MGLL: variants seen among roughly 807,000 people sequenced by gnomAD.
MGLL encodes the protein lysophospholipase homolog.
A neutral mutation model predicts 29.1 loss-of-function variants in MGLL; 7 were observed. That is an observed-to-expected ratio of 0.24 (90% CI 0.14 to 0.45). The LOEUF (loss-of-function observed/expected upper bound fraction) is 0.45, where lower values mean the gene tolerates loss of function less well. Ranked by LOEUF, MGLL falls within the 20% of genes least tolerant of loss-of-function variation. MGLL has a pLI of 0.99. For missense variants in MGLL, 356 were observed against 413.6 expected, an observed-to-expected ratio of 0.86 and a Z score of 1.21; for synonymous variants, 148 against 168.3, an observed-to-expected ratio of 0.88 and a Z score of 0.93.
chr3:127,822,382 G>A lies in MGLL; in HGVS notation c.-64C>T, dbSNP rs141374280. 1,305 of 1,588,176 alleles carry A rather than the reference G, an allele frequency of 8.2e-4. 5 individuals are homozygous for A. The highest frequency in any genetic ancestry group is 5.0e-3 in the Middle Eastern group (30 of 6,016). On this transcript the variant is annotated 5_prime_UTR_variant, in exon 1 of 8. Coordinates refer to ENST00000265052, the MANE Select transcript of MGLL (RefSeq NM_007283.7). ...GGAGAATCAGAACCAGGCAAATCGGGCTGTTCCCTCATCTGGGCGGCCCCA... is the reference window on the plus strand; with the variant it reads ...GGAGAATCAGAACCAGGCAAATCGGACTGTTCCCTCATCTGGGCGGCCCCA...
intron 6 of MGLL, among the ~76,000 whole-genome samples, chr3:127,708,976 A>G (rs2075657562): frequency 6.6e-6 from 1 of 152,248 alleles, no homozygotes; most frequent in South Asian, 2.1e-4. Context: ...CTAAAATCCC[A>G]TCTCTGCCCC....
intron 3 of MGLL, among the ~76,000 whole-genome samples, chr3:127,759,920 G>A (rs977226681): frequency 6.6e-6 from 1 of 152,222 alleles, no homozygotes; most frequent in Non-Finnish European, 1.5e-5. Context: ...ATGATTATGG[G>A]GTCTGAATGA....
At chr3:127,781,688 TAGA>T in intron 3 of MGLL, 98 bp downstream of exon 3, 1 of 1,074,766 alleles carries the variant, frequency 9.3e-7, no homozygotes, top group East Asian at 2.4e-5. Context: ...CCGTGGGGAA[TAGA>T]AGAATTGAGA....
intron 3 of MGLL, among the ~76,000 whole-genome samples, chr3:127,735,358 T>C (rs1366286456): frequency 2.6e-5 from 4 of 152,218 alleles, no homozygotes; most frequent in Non-Finnish European, 1.5e-5. Context: ...AGCAGCCCCG[T>C]TGTTATAACT....
intron 7 of MGLL, among the ~76,000 whole-genome samples, chr3:127,694,126 C>T (rs140339091): frequency 2.1e-4 from 32 of 151,636 alleles, no homozygotes; most frequent in Admixed American, 8.5e-4. Context: ...AAAAATTAGC[C>T]GGGCAGGGTG....
At chr3:127,695,579 T>C (rs1267070189) in intron 6 of MGLL, among the ~76,000 whole-genome samples, 2 of 152,086 alleles carry the variant, frequency 1.3e-5, no homozygotes, top group Non-Finnish European at 2.9e-5. Context: ...TTTGTATTTT[T>C]GTAAAAATAC....
At chr3:127,714,843 C>T (rs116289108) in intron 5 of MGLL, among the ~76,000 whole-genome samples, 2,407 of 152,304 alleles carry the variant, frequency 0.016, 65 homozygotes, top group African/African-American at 0.054. Flanking sequence ...TCCCTTAAAA[C>T]GATCTGTAAC....
At position 127,706,072 on chromosome 3, in the gene MGLL, G is replaced by T. The variant is rs527423955; in HGVS notation, c.600+4504C>A. ...AAAATTACCAGCAGAATATGACCCA[G>T]CAATCCCACTTCTGGGTACATACAT... On this transcript the variant is annotated intron_variant, in intron 6 of 7. Transcript: ENST00000265052. Among the ~76,000 whole-genome samples the T allele has an allele frequency of 2.0e-4, 30 of 152,302 alleles. 1 individual carries two copies. Among genetic ancestry groups the T allele is most frequent in the South Asian group, 2.1e-4 (1 of 4,828 alleles).
chr3:127,771,483 A>G (rs1046967542), intron 3 of MGLL, among the ~76,000 whole-genome samples: 3 of 152,082 alleles, frequency 2.0e-5, no homozygotes, highest in African/African-American at 7.2e-5. Context: ...CAGTCTCCCA[A>G]GTAGCTGAGA....
At chr3:127,800,998 T>C (rs944589268) in intron 2 of MGLL, among the ~76,000 whole-genome samples, 3 of 151,458 alleles carry the variant, frequency 2.0e-5, no homozygotes, top group African/African-American at 7.3e-5. Flanking sequence ...AGAGCAATGC[T>C]ACTAATTAAA....
chr3:127,747,419 G>A (rs2076468560), intron 3 of MGLL, among the ~76,000 whole-genome samples: 1 of 152,146 alleles, frequency 6.6e-6, no homozygotes, highest in Non-Finnish European at 1.5e-5. Context: ...GCATAATCAG[G>A]GTCTACTACA....
At chr3:127,777,137 C>A (rs1279591652) in intron 3 of MGLL, among the ~76,000 whole-genome samples, 1 of 152,190 alleles carries the variant, frequency 6.6e-6, no homozygotes, top group African/African-American at 2.4e-5. Flanking sequence ...CCAGAACAAA[C>A]ACCCAATTAG....
At chr3:127,738,015 G>T (rs765406067) in intron 3 of MGLL, among the ~76,000 whole-genome samples, 1 of 152,076 alleles carries the variant, frequency 6.6e-6, no homozygotes, top group African/African-American at 2.4e-5. Context: ...AGAAGTGCTC[G>T]TGTGGCTAGG....
chr3:127,726,141 A>AAAG (rs2076029489), intron 3 of MGLL, among the ~76,000 whole-genome samples: 1 of 25,622 alleles, frequency 3.9e-5, no homozygotes, highest in Admixed American at 3.6e-4. Context: ...AGAAAGAAAG[A>AAAG]AAGAAAGAAA....
chr3:127,740,744 A>T (rs2076325052), intron 3 of MGLL, among the ~76,000 whole-genome samples: 1 of 152,220 alleles, frequency 6.6e-6, no homozygotes, highest in Non-Finnish European at 1.5e-5. Flanking sequence ...AAAGCTCCCC[A>T]CACTGAGGGT....
chr3:127,726,202 GA>G (rs1559926460), intron 3 of MGLL, among the ~76,000 whole-genome samples: 6 of 119,132 alleles, frequency 5.0e-5, no homozygotes, highest in Admixed American at 8.5e-5. Flanking sequence ...AAGAAAGAAA[GA>G]AAGACAGAAG....
chr3:127,792,663 A>G (rs2077320857), intron 2 of MGLL, among the ~76,000 whole-genome samples: 1 of 152,000 alleles, frequency 6.6e-6, no homozygotes, highest in Non-Finnish European at 1.5e-5. Flanking sequence ...AGATCGCGCC[A>G]TTGCACTCCA....
At chr3:127,805,855 C>A (rs2077556228) in intron 2 of MGLL, among the ~76,000 whole-genome samples, 1 of 152,216 alleles carries the variant, frequency 6.6e-6, no homozygotes, top group South Asian at 2.1e-4. Context: ...ACGTGTCAGA[C>A]AAAGGTTTGG....
chr3:127,758,016 C>T (rs1365910470), intron 3 of MGLL, among the ~76,000 whole-genome samples: 1 of 152,178 alleles, frequency 6.6e-6, no homozygotes, highest in African/African-American at 2.4e-5. Flanking sequence ...CCCTGTGTGG[C>T]CAGCTGCACA....
Sources: gnomAD v4.1 joint callset for allele counts (sites outside exome capture counted in the v4.1 genomes callset) on GRCh38, gnomAD v4.1.1 for gene constraint, MANE v1.5 for transcripts, NCBI Gene and HGNC (gene_info 2026-07-23, HGNC 2026-07-21) for gene names.